The following USH2A variants were observed in gnomAD, a reference collection of about 807,000 sequenced individuals.
The protein encoded by USH2A is Usher syndrome 2A (autosomal recessive, mild).
USH2A carries 443 observed loss-of-function variants against 538.9 expected under a neutral mutation model. The ratio of observed to expected loss-of-function variants is 0.82; its 90% CI spans 0.76 to 0.89. The LOEUF is 0.89. Among genes scored for constraint, USH2A ranks in the 40% least tolerant of loss-of-function variants. USH2A has a pLI of 0.00. For missense variants in USH2A, 6,633 were observed against 6,324.8 expected, an observed-to-expected ratio of 1.05 and a Z score of -1.65; for synonymous variants, 2,413 against 2,273.5, an observed-to-expected ratio of 1.06 and a Z score of -1.75.
At chr1:215,932,764 T>C (rs1242531884) in intron 38 of USH2A, among the ~76,000 whole-genome samples, 1 of 152,032 alleles carries the variant, frequency 6.6e-6, no homozygotes, top group Non-Finnish European at 1.5e-5. Flanking sequence ...TGCATTATGG[T>C]AATGACACAG....
At chr1:215,976,755 T>A (rs1162807901) in intron 35 of USH2A, among the ~76,000 whole-genome samples, 2 of 152,168 alleles carry the variant, frequency 1.3e-5, no homozygotes, top group Admixed American at 6.6e-5. Flanking sequence ...TTTGGTTTGC[T>A]AGTATTTTGT....
intron 38 of USH2A, among the ~76,000 whole-genome samples, chr1:215,924,829 C>T (rs1300501132): frequency 2.6e-5 from 4 of 151,870 alleles, no homozygotes; most frequent in African/African-American, 7.3e-5. Flanking sequence ...TTAAAGATAG[C>T]ACTTAATTGT....
intron 9 of USH2A, among the ~76,000 whole-genome samples, chr1:216,298,162 G>A (rs1427324952): frequency 6.6e-6 from 1 of 152,114 alleles, no homozygotes; most frequent in East Asian, 1.9e-4. Flanking sequence ...TTCAAGTTGT[G>A]CTTTCTTAAA....
intron 12 of USH2A, among the ~76,000 whole-genome samples, chr1:216,248,734 T>C (rs1449250553): frequency 6.6e-6 from 1 of 152,106 alleles, no homozygotes; most frequent in Non-Finnish European, 1.5e-5. Flanking sequence ...TTAAAATTGG[T>C]CTACATGGAT....
At chr1:215,665,517 A>C (rs2102656583) in intron 64 of USH2A, among the ~76,000 whole-genome samples, 1 of 152,290 alleles carries the variant, frequency 6.6e-6, no homozygotes, top group Admixed American at 6.5e-5. Context: ...TCTTTGCCTT[A>C]AGCAAGAGTA....
chr1:216,304,204 G>A (rs552760440), intron 9 of USH2A, among the ~76,000 whole-genome samples: 5 of 152,098 alleles, frequency 3.3e-5, no homozygotes, highest in Non-Finnish European at 7.4e-5. Flanking sequence ...AGTATAGTAA[G>A]TAGTCCTGTT....
chr1:215,877,830 G>A lies in USH2A; in HGVS notation c.8609C>T (p.Pro2870Leu), dbSNP rs200802261. Residue 2870 changes from proline to leucine, a missense_variant, in exon 43 of 72, where the codon CCA becomes CTA. Physicochemically the swap from Pro to Leu is moderately conservative, Grantham distance 98. Transcript: ENST00000307340. ...KIQQPLASNPPEDLNRWHNIY... is the reference protein window; with the variant it reads ...KIQQPLASNPLEDLNRWHNIY... ...ATTGTGCCACCGATTTAAATCTTCT[G>A]GGGGATTTGATGCAAGTGGCTGCTG... 377 of 1,613,618 alleles carry A rather than the reference G, an allele frequency of 2.3e-4. No homozygotes were observed. Among genetic ancestry groups the A allele is most frequent in the Admixed American group, 7.8e-4 (47 of 59,976 alleles).
chr1:216,215,501 C>T lies in USH2A; in HGVS notation c.3157+1886G>A, dbSNP rs533576468. ...GCTGGGACCCTTCATCCTCATCCCA[C>T]CATTTACATTTTTCTGCTCCCCTCC... On this transcript the variant is annotated intron_variant, in intron 15 of 71. Coordinates refer to ENST00000307340, the MANE Select transcript of USH2A (RefSeq NM_206933.4). 1.3e-4 allele frequency among the ~76,000 whole-genome samples: 20 copies of T among 152,190 alleles called. No homozygotes were observed. In the South Asian group the frequency reaches 4.1e-3, roughly 32 times the overall value.
intron 21 of USH2A, among the ~76,000 whole-genome samples, chr1:216,135,677 T>C (rs1176565965): frequency 6.6e-6 from 1 of 152,154 alleles, no homozygotes; most frequent in African/African-American, 2.4e-5. Context: ...TGGGCTTACA[T>C]ACATATGAAA....
At chr1:216,301,780 C>T (rs2037220818) in intron 9 of USH2A, among the ~76,000 whole-genome samples, 1 of 152,072 alleles carries the variant, frequency 6.6e-6, no homozygotes, top group African/African-American at 2.4e-5. Context: ...TTAACTATTC[C>T]CAGATGGCCT....
chr1:216,083,316 TA>T, intron 26 of USH2A, 139 bp downstream of exon 26: 3 of 986,262 alleles, frequency 3.0e-6, no homozygotes, highest in Non-Finnish European at 4.4e-6. Context: ...ACTTCAAAAC[TA>T]AAAATGACTG....
At chr1:215,852,378 C>G (rs1039114614) in intron 44 of USH2A, among the ~76,000 whole-genome samples, 3 of 152,134 alleles carry the variant, frequency 2.0e-5, no homozygotes, top group African/African-American at 7.2e-5. Flanking sequence ...AATTATCTCC[C>G]ACTGGGTCCC....
In USH2A at chr1:215,916,329, C is replaced by A. The variant is rs1185185407; in HGVS notation, c.7301-15424G>T. On this transcript the variant is annotated intron_variant, in intron 38 of 71. Coordinates refer to ENST00000307340, the MANE Select transcript of USH2A (RefSeq NM_206933.4). The stretch of plus-strand genomic sequence containing the variant: ...GGTCAAACTCTGACTAGGAAAGAAA[C>A]ATGTGCAAAAATAAAAAAAAAAATT... Among the ~76,000 whole-genome samples, 3 of 113,484 alleles carry A rather than the reference C, an allele frequency of 2.6e-5. No homozygotes were observed. In the East Asian group the frequency reaches 7.4e-4, roughly 28 times the overall value. The allele number at this position is 113,484 out of a possible 152,430, so 74.4% of individuals were successfully genotyped here.
In USH2A at chr1:216,083,552, A is replaced by G. The variant is rs1162038646; in HGVS notation, c.5202T>C (p.Gly1734=). ...FLELHPYMFH[G]GMNFEISFKF... ...TAAAGGAAATCTCAAAGTTCATTCC[A>G]CCATGAAACATATATGGATGAAGTT... The change falls in exon 26 of 72, where the codon GGT becomes GGC. Residue 1734 remains glycine, a synonymous_variant. Transcript: ENST00000307340. 1.2e-6 allele frequency: 2 copies of G among 1,612,444 alleles called. No homozygotes were observed. The highest frequency in any genetic ancestry group is 3.3e-5 in the Admixed American group (2 of 59,838).
At chr1:215,664,569 C>A (rs1204670709) in intron 64 of USH2A, among the ~76,000 whole-genome samples, 1 of 152,156 alleles carries the variant, frequency 6.6e-6, no homozygotes, top group Non-Finnish European at 1.5e-5. Flanking sequence ...AAATTATATA[C>A]CTGTAGCTTA....
intron 35 of USH2A, among the ~76,000 whole-genome samples, chr1:215,980,418 A>AT (rs1441308787): frequency 1.3e-5 from 2 of 152,152 alleles, no homozygotes; most frequent in Non-Finnish European, 2.9e-5. Context: ...TTCTTTCTAC[A>AT]TTTTAAAAAT....
intron 67 of USH2A, among the ~76,000 whole-genome samples, chr1:215,646,129 T>A (rs1656844982): frequency 1.3e-5 from 2 of 152,194 alleles, no homozygotes; most frequent in African/African-American, 4.8e-5. Context: ...GAATTGATTA[T>A]GCCAAAATAT....
At position 215,873,292 on chromosome 1, in the gene USH2A, A is replaced by G. The variant is rs555702592; in HGVS notation, c.8681+4466T>C. 5.9e-5 allele frequency among the ~76,000 whole-genome samples: 9 copies of G among 152,348 alleles called. No individual in the cohort carries two copies. The South Asian group carries it at 1.9e-3, about 32-fold the overall frequency. On this transcript the variant is annotated intron_variant, in intron 43 of 71. Coordinates refer to ENST00000307340, the MANE Select transcript of USH2A (RefSeq NM_206933.4). The stretch of plus-strand genomic sequence containing the variant: ...AATTTTTATTCACATTCCCATATTA[A>G]GGAATAAATTAACAGGATCTATCTC...
chr1:215,968,171 C>A (rs924357200), intron 36 of USH2A, among the ~76,000 whole-genome samples: 2 of 152,068 alleles, frequency 1.3e-5, no homozygotes, highest in Admixed American at 1.3e-4. Context: ...ATTTATAAAA[C>A]CCCAATTTAT....
Sources: allele counts gnomAD v4.1 joint callset (sites outside exome capture counted in the v4.1 genomes callset), GRCh38; gene constraint gnomAD v4.1.1; transcripts MANE v1.5; gene names NCBI Gene and HGNC (gene_info 2026-07-23, HGNC 2026-07-21).